CSMD1: variants seen among roughly 807,000 people sequenced by gnomAD.
CSMD1 encodes the protein CUB and sushi domain-containing protein 1.
A neutral mutation model predicts 417.5 loss-of-function variants in CSMD1; 213 were observed. That is an observed-to-expected ratio of 0.51 (90% CI 0.46 to 0.57). The LOEUF is 0.57. Ranked by LOEUF, CSMD1 falls within the 20% of genes least tolerant of loss-of-function variation. CSMD1 has a pLI of 0.00. For synonymous variants in CSMD1, 2,862 were observed against 1,736.8 expected (o/e 1.65, Z -16.11); for missense variants, 6,923 against 4,529.7 (o/e 1.53, Z -15.17).
chr8:4,296,628 T>C (rs7005509), intron 3 of CSMD1, among the ~76,000 whole-genome samples: 143,355 of 150,630 alleles, frequency 0.95, 68,623 homozygotes, highest in East Asian at 1. Context: ...TGTTATTTAG[T>C]TAATATTCAC....
intron 1 of CSMD1, among the ~76,000 whole-genome samples, chr8:4,960,122 A>C (rs1809380988): frequency 1.3e-5 from 2 of 152,310 alleles, no homozygotes; most frequent in Admixed American, 1.3e-4. Flanking sequence ...GGAGGGATAT[A>C]ATGTGCTCAT....
chr8:4,831,061 C>T (rs1052648856), intron 1 of CSMD1, among the ~76,000 whole-genome samples: 2 of 152,176 alleles, frequency 1.3e-5, no homozygotes, highest in Non-Finnish European at 2.9e-5. Flanking sequence ...TCAACTCCAA[C>T]CATGCGAACT....
chr8:4,587,686 G>A (rs575377941), intron 2 of CSMD1, among the ~76,000 whole-genome samples: 3 of 152,054 alleles, frequency 2.0e-5, no homozygotes, highest in African/African-American at 7.2e-5. Flanking sequence ...GCCTTCACTA[G>A]GTACTGGTTA....
chr8:4,860,419 A>T (rs1157489703), intron 1 of CSMD1, among the ~76,000 whole-genome samples: 1 of 151,892 alleles, frequency 6.6e-6, no homozygotes, highest in Non-Finnish European at 1.5e-5. Context: ...ATAAAAAAAA[A>T]AAAAGTGTGT....
chr8:3,951,302 T>A (rs915645000), intron 5 of CSMD1, among the ~76,000 whole-genome samples: 2 of 152,186 alleles, frequency 1.3e-5, no homozygotes, highest in South Asian at 4.1e-4. Flanking sequence ...GTGTCTTCCA[T>A]GGCACCTTCT....
chr8:4,874,873 ATATAG>A (rs1483887714), intron 1 of CSMD1, among the ~76,000 whole-genome samples: 1 of 148,330 alleles, frequency 6.7e-6, no homozygotes, highest in East Asian at 1.9e-4. Context: ...TATAGTGTAT[ATATAG>A]TATAGAGTAT....
At chr8:3,278,161 T>G (rs1802448521) in intron 26 of CSMD1, among the ~76,000 whole-genome samples, 1 of 152,032 alleles carries the variant, frequency 6.6e-6, no homozygotes, top group Non-Finnish European at 1.5e-5. Flanking sequence ...GAGAGAATAA[T>G]AAGATGAAAA....
intron 5 of CSMD1, among the ~76,000 whole-genome samples, chr8:3,849,719 G>A (rs3109667): frequency 1.2e-4 from 18 of 151,962 alleles, no homozygotes; most frequent in Non-Finnish European, 2.2e-4. Context: ...GGAAACACAG[G>A]GTGTAAACTC....
At chr8:4,281,254 A>G (rs987431959) in intron 3 of CSMD1, among the ~76,000 whole-genome samples, 3 of 152,246 alleles carry the variant, frequency 2.0e-5, no homozygotes, top group Non-Finnish European at 2.9e-5. Context: ...GGGAATTAAA[A>G]TAACCTCTCG....
intron 1 of CSMD1, among the ~76,000 whole-genome samples, chr8:4,839,266 A>G (rs1205051237): frequency 1.3e-5 from 2 of 152,212 alleles, no homozygotes; most frequent in African/African-American, 4.8e-5. Context: ...CCAATTATCT[A>G]GTCATTCATT....
intron 12 of CSMD1, among the ~76,000 whole-genome samples, chr8:3,421,998 G>C (rs1017012682): frequency 2.0e-5 from 3 of 151,798 alleles, no homozygotes; most frequent in Non-Finnish European, 2.9e-5. Context: ...TAGAGCGTGA[G>C]CCACCGCGCC....
At chr8:4,343,977 G>C (rs543655115) in intron 3 of CSMD1, among the ~76,000 whole-genome samples, 8 of 152,196 alleles carry the variant, frequency 5.3e-5, no homozygotes, top group Non-Finnish European at 1.2e-4. Flanking sequence ...ATAAATTCTA[G>C]TAAAGCCATT....
At chr8:4,278,153 T>C (rs1796588565) in intron 3 of CSMD1, among the ~76,000 whole-genome samples, 1 of 152,204 alleles carries the variant, frequency 6.6e-6, no homozygotes, top group African/African-American at 2.4e-5. Context: ...GAGAAGAATC[T>C]ATTCTTGAAT....
chr8:4,749,176 G>T (rs966582878), intron 1 of CSMD1, among the ~76,000 whole-genome samples: 2 of 152,168 alleles, frequency 1.3e-5, no homozygotes, highest in Non-Finnish European at 2.9e-5. Flanking sequence ...AAAATCTATT[G>T]ATTGATATGG....
chr8:4,363,093 CATA>C (rs1442263444), intron 3 of CSMD1, among the ~76,000 whole-genome samples: 1 of 152,128 alleles, frequency 6.6e-6, no homozygotes, highest in Non-Finnish European at 1.5e-5. Flanking sequence ...CACAGTGGAT[CATA>C]ATATCAGAGA....
chr8:4,163,574 C>G (rs777132026), intron 3 of CSMD1, among the ~76,000 whole-genome samples: 1 of 152,122 alleles, frequency 6.6e-6, no homozygotes, highest in Admixed American at 6.5e-5. Flanking sequence ...TTAAATCTAG[C>G]TAGATAAAAC....
chr8:4,342,399 G>A (rs766002878), intron 3 of CSMD1, among the ~76,000 whole-genome samples: 4 of 152,074 alleles, frequency 2.6e-5, no homozygotes, highest in African/African-American at 4.8e-5. Context: ...GTATAAATGT[G>A]TGAATAGGTT....
At chr8:4,098,459 G>C (rs1022446435) in intron 3 of CSMD1, among the ~76,000 whole-genome samples, 2 of 151,972 alleles carry the variant, frequency 1.3e-5, no homozygotes, top group African/African-American at 4.8e-5. Flanking sequence ...GACACATATT[G>C]TTCCATGTTG....
rs538789140 is a variant in CSMD1 at position 4,732,045 on chromosome 8, T to G, written c.86-94487A>C. Among the ~76,000 whole-genome samples the G allele has an allele frequency of 2.0e-5, 3 of 152,232 alleles. No individual in the cohort carries two copies. The East Asian group carries it at 5.8e-4, about 29-fold the overall frequency. On this transcript the variant is annotated intron_variant, in intron 1 of 69. Coordinates refer to ENST00000635120, the MANE Select transcript of CSMD1 (RefSeq NM_033225.6). ...CAGTGTTGACTGCATGCCTCCCCCA[T>G]GCCCGTAGCTTTACATCTCTCTTGC...
Sources: allele counts gnomAD v4.1 joint callset (sites outside exome capture counted in the v4.1 genomes callset), GRCh38; gene constraint gnomAD v4.1.1; transcripts MANE v1.5; gene names NCBI Gene and HGNC (gene_info 2026-07-23, HGNC 2026-07-21).